TOX: variants seen among roughly 807,000 people sequenced by gnomAD.
The protein encoded by TOX is thymocyte selection associated high mobility group box, also known as thymocyte selection-associated high mobility group box protein TOX.
A neutral mutation model predicts 53.7 loss-of-function variants in TOX; 11 were observed. The observed-to-expected ratio is 0.20, with a 90% CI of 0.13 to 0.34. TOX has a LOEUF of 0.34. Among genes scored for constraint, TOX ranks in the 10% least tolerant of loss-of-function variants. TOX has a pLI of 1.00. For missense variants in TOX, 570 were observed against 664.6 expected (o/e 0.86, Z 1.56); for synonymous variants, 225 against 245.3 (o/e 0.92, Z 0.77).
chr8:58,989,485 A>T (rs1429517843), intron 1 of TOX, among the ~76,000 whole-genome samples: 2 of 152,126 alleles, frequency 1.3e-5, no homozygotes, highest in Non-Finnish European at 2.9e-5. Flanking sequence ...TGATGTGCCC[A>T]GTATTTGGTG....
At chr8:58,965,781 T>C (rs1304883247) in intron 1 of TOX, among the ~76,000 whole-genome samples, 2 of 152,034 alleles carry the variant, frequency 1.3e-5, no homozygotes, top group Non-Finnish European at 2.9e-5. Context: ...GGGGGTCAAT[T>C]TGACATTTCT....
intron 3 of TOX, among the ~76,000 whole-genome samples, chr8:58,858,115 C>T (rs1810945976): frequency 6.6e-6 from 1 of 151,952 alleles, no homozygotes; most frequent in Non-Finnish European, 1.5e-5. Context: ...AAACCCTGTG[C>T]TCATCTCAGG....
chr8:59,069,160 G>A (rs1263564344), intron 1 of TOX, among the ~76,000 whole-genome samples: 1 of 152,108 alleles, frequency 6.6e-6, no homozygotes, highest in Admixed American at 6.6e-5. Flanking sequence ...AATGAGGAGG[G>A]CTGACCTATG....
chr8:59,087,743 C>A (rs993087920), intron 1 of TOX, among the ~76,000 whole-genome samples: 1 of 152,144 alleles, frequency 6.6e-6, no homozygotes, highest in African/African-American at 2.4e-5. Flanking sequence ...AAACCCACCC[C>A]CCTTTCCTCT....
rs565548574 is a variant in TOX at position 59,030,190 on chromosome 8, T to C, written c.103-70182A>G. 3.1e-3 allele frequency among the ~76,000 whole-genome samples: 470 copies of C among 152,304 alleles called. 4 individuals are homozygous for C. The highest frequency in any genetic ancestry group is 0.011 in the African/African-American group (450 of 41,560). ...ATGCTTATTTCTCTAAACTGTCTAT[T>C]GTAGAGGTCTGCAAAAGTCATTTTT... On this transcript the variant is annotated intron_variant, in intron 1 of 8. Transcript: ENST00000361421.
chr8:58,885,487 A>G (rs1195495436), intron 3 of TOX, among the ~76,000 whole-genome samples: 1 of 152,088 alleles, frequency 6.6e-6, no homozygotes, highest in East Asian at 1.9e-4. Context: ...GCTTCTTCTC[A>G]CCAAATGAGC....
At chr8:59,021,479 A>ATATATATATATATATATATATAT (rs1375026046) in intron 1 of TOX, among the ~76,000 whole-genome samples, 6 of 64,722 alleles carry the variant, frequency 9.3e-5, no homozygotes, top group African/African-American at 1.8e-4. Context: ...AAAAAAAAAA[A>ATATATATATATATATATATATAT]AAATATATAT....
At chr8:58,825,349 G>T (rs558495581) in intron 6 of TOX, among the ~76,000 whole-genome samples, 5 of 152,316 alleles carry the variant, frequency 3.3e-5, no homozygotes, top group Admixed American at 1.3e-4. Context: ...AAAGTGCTTG[G>T]TTTTTTAAAT....
chr8:58,914,906 G>A (rs1038471911), intron 3 of TOX, among the ~76,000 whole-genome samples: 2 of 152,084 alleles, frequency 1.3e-5, no homozygotes, highest in Non-Finnish European at 2.9e-5. Flanking sequence ...CAAGGGGTCA[G>A]GGAGTTCCCT....
chr8:58,840,795 C>T (rs11778243), intron 4 of TOX, among the ~76,000 whole-genome samples: 1,750 of 151,794 alleles, frequency 0.012, 14 homozygotes, highest in Middle Eastern at 0.061. Flanking sequence ...TGTCGATTAG[C>T]TCTCAATTAG....
At chr8:58,957,127 C>T (rs1007928025) in intron 2 of TOX, among the ~76,000 whole-genome samples, 24 of 152,250 alleles carry the variant, frequency 1.6e-4, no homozygotes, top group South Asian at 8.3e-4. Context: ...AAACTCTTAA[C>T]GGGACAAAGT....
intron 3 of TOX, among the ~76,000 whole-genome samples, chr8:58,930,485 G>A (rs1037493167): frequency 6.6e-6 from 1 of 152,208 alleles, no homozygotes; most frequent in Non-Finnish European, 1.5e-5. Context: ...GGGGAGTGGA[G>A]TTAATGCTGA....
At chr8:58,974,343 G>A (rs1009348234) in intron 1 of TOX, among the ~76,000 whole-genome samples, 3 of 152,164 alleles carry the variant, frequency 2.0e-5, no homozygotes, top group Non-Finnish European at 4.4e-5. Flanking sequence ...TGAGTTTGTG[G>A]TTTTGGTCAT....
intron 6 of TOX, among the ~76,000 whole-genome samples, chr8:58,825,533 T>C (rs1254537033): frequency 2.6e-5 from 4 of 152,210 alleles, no homozygotes; most frequent in African/African-American, 7.2e-5. Context: ...CATTAACTAG[T>C]GTGCTTTGTA....
chr8:58,979,420 TC>T (rs1314706854), intron 1 of TOX, among the ~76,000 whole-genome samples: 1 of 152,218 alleles, frequency 6.6e-6, no homozygotes, highest in Non-Finnish European at 1.5e-5. Context: ...TGGATGGCTG[TC>T]CGGCCTTACC....
chr8:59,021,221 CT>C (rs958683968), intron 1 of TOX, among the ~76,000 whole-genome samples: 12 of 148,904 alleles, frequency 8.1e-5, no homozygotes, highest in African/African-American at 2.0e-4. Flanking sequence ...TCATTCCAGC[CT>C]TTTTTTTTCT....
chr8:58,947,157 T>C (rs1329201950), intron 2 of TOX, among the ~76,000 whole-genome samples: 1 of 152,144 alleles, frequency 6.6e-6, no homozygotes. Context: ...TTATTGTTTT[T>C]TATTCTTCTC....
chr8:58,966,507 G>T (rs1014780521), intron 1 of TOX, among the ~76,000 whole-genome samples: 6 of 152,100 alleles, frequency 3.9e-5, no homozygotes, highest in Non-Finnish European at 7.4e-5. Context: ...AGAATGGCCT[G>T]GGTACAGTGC....
chr8:59,004,984 T>C (rs1348188728), intron 1 of TOX, among the ~76,000 whole-genome samples: 1 of 152,240 alleles, frequency 6.6e-6, no homozygotes, highest in Non-Finnish European at 1.5e-5. Flanking sequence ...CAAATAATGC[T>C]AGCATGTAAA....
Sources: gnomAD v4.1 joint callset for allele counts (sites outside exome capture counted in the v4.1 genomes callset) on GRCh38, gnomAD v4.1.1 for gene constraint, MANE v1.5 for transcripts, NCBI Gene and HGNC (gene_info 2026-07-23, HGNC 2026-07-21) for gene names.